MYT1L: variants seen among roughly 807,000 people sequenced by gnomAD.
MYT1L encodes myelin transcription factor 1-like protein.
In MYT1L, 12 loss-of-function variants were observed where a neutral mutation model predicts 126.7. That is an observed-to-expected ratio of 0.09 (90% CI 0.06 to 0.15). The LOEUF is 0.15. MYT1L is among the 10% of genes least tolerant of loss of function. The probability of loss-of-function intolerance (pLI) is 1.00; values close to 1 mark genes in which losing one functional copy is unlikely to be tolerated. For synonymous variants in MYT1L, 541 were observed against 604.2 expected (o/e 0.90, Z 1.53); for missense variants, 979 against 1,585.2 (o/e 0.62, Z 6.49).
At chr2:1,955,139 T>A (rs1356282053) in intron 8 of MYT1L, among the ~76,000 whole-genome samples, 5 of 120,946 alleles carry the variant, frequency 4.1e-5, no homozygotes, top group Middle Eastern at 4.1e-3. Flanking sequence ...AGAGAGTCCA[T>A]CTCAAAAAAA....
At chr2:2,065,261 T>C (rs1440928665) in intron 3 of MYT1L, among the ~76,000 whole-genome samples, 1 of 152,140 alleles carries the variant, frequency 6.6e-6, no homozygotes, top group African/African-American at 2.4e-5. Context: ...TATAGTAGTA[T>C]AGTTATAGCT....
At chr2:2,305,430 G>C (rs553379494) in intron 1 of MYT1L, among the ~76,000 whole-genome samples, 1 of 152,286 alleles carries the variant, frequency 6.6e-6, no homozygotes, top group African/African-American at 2.4e-5. Flanking sequence ...AAGTTAACTT[G>C]TATTAAATAC....
chr2:2,186,671 A>T (rs1367431860), intron 2 of MYT1L, among the ~76,000 whole-genome samples: 2 of 152,192 alleles, frequency 1.3e-5, no homozygotes, highest in South Asian at 2.1e-4. Context: ...GTTTTTCTGG[A>T]TGCCTACACT....
chr2:1,910,819 GCCCTTT>G lies in MYT1L; in HGVS notation c.1710-478_1710-473del, dbSNP rs1334485039. Among the ~76,000 whole-genome samples the G allele has an allele frequency of 6.6e-6, 1 of 152,152 alleles. No individual in the cohort carries two copies. The highest frequency in any genetic ancestry group is 1.5e-5 in the Non-Finnish European group (1 of 68,030). ...CGTCTGGGGGGCCTGTCTGACTTTAGCCCTTTGGTGTTCTCCACAAGCAGGGAAATG... is the reference window on the plus strand; with the variant it reads ...CGTCTGGGGGGCCTGTCTGACTTTAGGGTGTTCTCCACAAGCAGGGAAATG... On this transcript the variant is annotated intron_variant, in intron 12 of 24. Transcript: ENST00000647738. This position sits in a 1 kb window ranked among gnomAD's most constrained non-coding sequence, Gnocchi z 4.8.
At chr2:1,896,052 GAAGACATAC>G (rs2049520927) in intron 14 of MYT1L, among the ~76,000 whole-genome samples, 1 of 152,170 alleles carries the variant, frequency 6.6e-6, no homozygotes, top group South Asian at 2.1e-4. Flanking sequence ...CTTCTCAAAA[GAAGACATAC>G]AAGTGGCCAA....
At chr2:1,843,488 TAGGGAGAATTACGATATCCTACCC>T (rs11272456) in intron 19 of MYT1L, among the ~76,000 whole-genome samples, 6,161 of 150,474 alleles carry the variant, frequency 0.041, 410 homozygotes, top group African/African-American at 0.14. Flanking sequence ...GTGTCCTTCC[TAGGGAGAATTACGATATCCTACCC>T]AGGGAGAATT....
intron 1 of MYT1L, among the ~76,000 whole-genome samples, chr2:2,308,776 A>C (rs190110537): frequency 1.3e-5 from 2 of 151,692 alleles, no homozygotes; most frequent in African/African-American, 4.8e-5. Flanking sequence ...CCATACCTTC[A>C]GTACATTGTA....
intron 18 of MYT1L, among the ~76,000 whole-genome samples, chr2:1,864,581 C>G (rs749369360): frequency 9.9e-5 from 15 of 152,232 alleles, no homozygotes; most frequent in Non-Finnish European, 2.2e-4. Flanking sequence ...TGAGCTCCCG[C>G]TTTGCCTCCT....
At chr2:1,935,100 A>G (rs1456475959) in intron 9 of MYT1L, among the ~76,000 whole-genome samples, 1 of 152,206 alleles carries the variant, frequency 6.6e-6, no homozygotes, top group Non-Finnish European at 1.5e-5. Flanking sequence ...TCTGAAGTTT[A>G]GTGAGCCTCA....
At chr2:1,976,881 A>G (rs1417095535) in intron 8 of MYT1L, among the ~76,000 whole-genome samples, 1 of 152,188 alleles carries the variant, frequency 6.6e-6, no homozygotes, top group African/African-American at 2.4e-5. Context: ...CGTTTTACAT[A>G]ATAAAGTCTG....
chr2:1,863,687 G>A (rs1447363586), intron 18 of MYT1L, among the ~76,000 whole-genome samples: 5 of 150,512 alleles, frequency 3.3e-5, no homozygotes, highest in East Asian at 4.1e-4. Context: ...ATTGTATTCC[G>A]ACAGTGGTGG....
At chr2:2,010,493 G>T (rs1395047956) in intron 4 of MYT1L, among the ~76,000 whole-genome samples, 1 of 152,036 alleles carries the variant, frequency 6.6e-6, no homozygotes, top group East Asian at 1.9e-4. Context: ...AAAGGCACAT[G>T]GGAGGTGCCA....
chr2:2,322,530 T>A (rs1205873644), intron 1 of MYT1L, among the ~76,000 whole-genome samples: 1 of 151,518 alleles, frequency 6.6e-6, no homozygotes, highest in Non-Finnish European at 1.5e-5. Context: ...TGAGAACAAA[T>A]GTGACGGAGA....
At chr2:1,802,493 C>T (rs1181365279) in intron 22 of MYT1L, among the ~76,000 whole-genome samples, 3 of 152,228 alleles carry the variant, frequency 2.0e-5, no homozygotes, top group Non-Finnish European at 4.4e-5. Flanking sequence ...AAAGTATGCA[C>T]TAACTAACAG....
intron 1 of MYT1L, among the ~76,000 whole-genome samples, chr2:2,310,018 T>C (rs1488189190): frequency 2.0e-5 from 3 of 152,032 alleles, no homozygotes; most frequent in Non-Finnish European, 4.4e-5. Flanking sequence ...CAATATACTC[T>C]ATGTATACTT....
At chr2:2,009,430 A>G (rs772387125) in intron 4 of MYT1L, among the ~76,000 whole-genome samples, 7 of 152,128 alleles carry the variant, frequency 4.6e-5, no homozygotes, top group Non-Finnish European at 1.0e-4. Flanking sequence ...CTCCTTTGTT[A>G]AATTTGTTCC....
At chr2:1,850,033 A>AC (rs1553428272) in intron 19 of MYT1L, among the ~76,000 whole-genome samples, 1 of 117,974 alleles carries the variant, frequency 8.5e-6, no homozygotes, top group East Asian at 2.9e-4. Flanking sequence ...CGGGGTGGTG[A>AC]GGGGGGGGCC....
At chr2:2,004,192 G>A (rs1248599448) in intron 4 of MYT1L, among the ~76,000 whole-genome samples, 2 of 98,862 alleles carry the variant, frequency 2.0e-5, no homozygotes, top group South Asian at 3.6e-4. Context: ...CTTTCCTGCA[G>A]GCGTTCTTTC....
intron 2 of MYT1L, among the ~76,000 whole-genome samples, chr2:2,252,588 A>G (rs1429584934): frequency 6.6e-6 from 1 of 152,204 alleles, no homozygotes; most frequent in African/African-American, 2.4e-5. Context: ...TTGAATATAA[A>G]AGCAACTATA....
Sources: allele counts gnomAD v4.1 joint callset (sites outside exome capture counted in the v4.1 genomes callset), GRCh38; gene constraint gnomAD v4.1.1; non-coding constraint Gnocchi (gnomAD v3.1); transcripts MANE v1.5; gene names NCBI Gene and HGNC (gene_info 2026-07-23, HGNC 2026-07-21).